INSL6: variants seen among roughly 807,000 people sequenced by gnomAD.
The protein encoded by INSL6 is insulin-like peptide INSL6.
In INSL6, 16 loss-of-function variants were observed where a neutral mutation model predicts 9.4. That is an observed-to-expected ratio of 1.70 (90% confidence interval 1.15 to 2.59). The LOEUF is 2.59. Ranked by LOEUF, INSL6 falls within the 30% of genes most tolerant of loss-of-function variation. The pLI, the probability that INSL6 is intolerant of heterozygous loss-of-function variation, is 0.00. For missense variants in INSL6, 391 were observed against 257.3 expected, an observed-to-expected ratio of 1.52 and a Z score of -3.56; for synonymous variants, 154 against 96.9, an observed-to-expected ratio of 1.59 and a Z score of -3.46.
the INSL6 span, chr9:5,041,248 C>T: frequency 8.3e-6 from 12 of 1,446,682 alleles, no homozygotes; most frequent in Non-Finnish European, 1.1e-5. Context: ...GGCAGCACGC[C>T]ATCCACATCA....
At chr9:5,037,014 A>G in the INSL6 span, among the ~76,000 whole-genome samples, 999 of 152,336 alleles carry the variant, frequency 6.6e-3, 8 homozygotes, top group African/African-American at 0.022. Context: ...ACAAATTTAC[A>G]AGAAAACAAC....
At chr9:5,150,513 A>C (rs528906114) in intron 2 of INSL6, among the ~76,000 whole-genome samples, 1 of 152,334 alleles carries the variant, frequency 6.6e-6, no homozygotes, top group Admixed American at 6.5e-5. Context: ...ACAAGTTGAA[A>C]CTACAATAAG....
chr9:5,138,989 C>A (rs1174485852), intron 2 of INSL6, among the ~76,000 whole-genome samples: 1 of 151,882 alleles, frequency 6.6e-6, no homozygotes, highest in African/African-American at 2.4e-5. Flanking sequence ...CTTGGTTGTT[C>A]AAGGAGATAA....
At chr9:5,047,739 G>T in the INSL6 span, among the ~76,000 whole-genome samples, 1 of 152,116 alleles carries the variant, frequency 6.6e-6, no homozygotes, top group Non-Finnish European at 1.5e-5. Context: ...CTAGGTACAG[G>T]TGTGTGCCAC....
chr9:5,007,725 C>CTT, the INSL6 span, among the ~76,000 whole-genome samples: 1 of 144,568 alleles, frequency 6.9e-6, no homozygotes, highest in Admixed American at 6.9e-5. Flanking sequence ...ATTATATTGT[C>CTT]TTTTTTTTTT....
chr9:5,096,387 A>G, the INSL6 span, among the ~76,000 whole-genome samples: 1 of 152,222 alleles, frequency 6.6e-6, no homozygotes, highest in African/African-American at 2.4e-5. Flanking sequence ...CAAATCAACC[A>G]CTTTAATTAA....
At chr9:5,128,205 T>G (rs188162534) in intron 3 of INSL6, 3 of 231,694 alleles carry the variant, frequency 1.3e-5, no homozygotes, top group Non-Finnish European at 2.6e-5. Flanking sequence ...ATGTTCTACT[T>G]TTTTGAAAGT....
chr9:5,074,003 C>T, the INSL6 span, among the ~76,000 whole-genome samples: 1 of 152,102 alleles, frequency 6.6e-6, no homozygotes, highest in African/African-American at 2.4e-5. Flanking sequence ...AATGCCCAAA[C>T]AATAGAGTAT....
the INSL6 span, among the ~76,000 whole-genome samples, chr9:5,113,191 CTTTTTTTTTTTTTTTT>C: frequency 7.0e-5 from 4 of 57,160 alleles, 1 homozygote; most frequent in South Asian, 8.2e-4. Context: ...CTGGCAGGAG[CTTTTTTTTTTTTTTTT>C]TTTTTTTTTT....
intron 1 of INSL6, among the ~76,000 whole-genome samples, chr9:5,182,728 T>C (rs990657689): frequency 6.6e-6 from 1 of 152,092 alleles, no homozygotes; most frequent in African/African-American, 2.4e-5. Flanking sequence ...GGGTTACAGA[T>C]TATGAAAAGC....
the INSL6 span, chr9:5,041,600 G>C: frequency 2.0e-6 from 1 of 495,920 alleles, no homozygotes; most frequent in Non-Finnish European, 4.0e-6. Flanking sequence ...ACTTTGAGAA[G>C]CCCGACTGTG....
the INSL6 span, among the ~76,000 whole-genome samples, chr9:5,025,718 A>C: frequency 2.0e-5 from 3 of 152,034 alleles, no homozygotes; most frequent in Admixed American, 6.6e-5. Flanking sequence ...TTTTTGGTAG[A>C]GACGGGGTTT....
At chr9:5,127,991 A>C (rs1360924372) in intron 3 of INSL6, 1 of 231,958 alleles carries the variant, frequency 4.3e-6, no homozygotes, top group Non-Finnish European at 8.5e-6. Context: ...AAATCTTTTC[A>C]ATTAAGTATA....
chr9:5,046,352 C>T, the INSL6 span, among the ~76,000 whole-genome samples: 1 of 152,076 alleles, frequency 6.6e-6, no homozygotes, highest in Non-Finnish European at 1.5e-5. Context: ...TTCCCATTCT[C>T]TAGGTTGCCT....
chr9:5,020,332 A>G, the INSL6 span, among the ~76,000 whole-genome samples: 3 of 152,148 alleles, frequency 2.0e-5, no homozygotes, highest in East Asian at 1.9e-4. Flanking sequence ...TGCGATCCCA[A>G]GGCCCCCAGA....
the INSL6 span, among the ~76,000 whole-genome samples, chr9:5,079,018 T>C: frequency 6.6e-6 from 1 of 152,226 alleles, no homozygotes; most frequent in Non-Finnish European, 1.5e-5. Flanking sequence ...ATAATTTCTC[T>C]AATTGGATGT....
chr9:5,010,428 C>A, the INSL6 span, among the ~76,000 whole-genome samples: 1 of 151,920 alleles, frequency 6.6e-6, no homozygotes, highest in Non-Finnish European at 1.5e-5. Context: ...TCAAGCAATT[C>A]TCCTGCCTCA....
At chr9:5,168,530 G>C (rs191292502) in intron 1 of INSL6, among the ~76,000 whole-genome samples, 1 of 152,006 alleles carries the variant, frequency 6.6e-6, no homozygotes, top group Admixed American at 6.6e-5. Flanking sequence ...CAAGATTAGA[G>C]AAAAAAGAAT....
chr9:5,137,492 C>T (rs1157091740), intron 2 of INSL6, among the ~76,000 whole-genome samples: 1 of 149,266 alleles, frequency 6.7e-6, no homozygotes, highest in Non-Finnish European at 1.5e-5. Context: ...TGATCTTTGA[C>T]AAACCCTATT....
Sources: gnomAD v4.1 joint callset for allele counts (sites outside exome capture counted in the v4.1 genomes callset) on GRCh38, gnomAD v4.1.1 for gene constraint, MANE v1.5 for transcripts, NCBI Gene and HGNC (gene_info 2026-07-23, HGNC 2026-07-21) for gene names.